GAB2: variants seen among roughly 807,000 people sequenced by gnomAD.
The protein encoded by GAB2 is GRB2-associated-binding protein 2.
Under a neutral mutation model 65.5 loss-of-function variants are expected in GAB2, and 26 were observed. The ratio of observed to expected loss-of-function variants is 0.40; its 90% CI spans 0.29 to 0.55. The LOEUF (loss-of-function observed/expected upper bound fraction) is 0.55. GAB2 is among the 20% of genes least tolerant of loss of function. The probability of loss-of-function intolerance (pLI) is 0.53; values close to 1 mark genes in which losing one functional copy is unlikely to be tolerated. For synonymous variants in GAB2, 321 were observed against 329.6 expected, an observed-to-expected ratio of 0.97 and a Z score of 0.28; for missense variants, 884 against 875.8, an observed-to-expected ratio of 1.01 and a Z score of -0.12.
intron 1 of GAB2, among the ~76,000 whole-genome samples, chr11:78,388,397 C>T (rs983263313): frequency 2.6e-5 from 4 of 151,192 alleles, no homozygotes; most frequent in South Asian, 4.2e-4. Flanking sequence ...CATGATCACA[C>T]GTCACTGCAG....
rs1248965268 is a variant in GAB2 at position 78,368,723 on chromosome 11, C to G, written c.75+48923G>C. Among the ~76,000 whole-genome samples, 11 of 151,194 alleles carry G rather than the reference C, an allele frequency of 7.3e-5. No individual in the cohort carries two copies. The East Asian group carries it at 2.1e-3, about 29-fold the overall frequency. On this transcript the variant is annotated intron_variant, in intron 1 of 9. Transcript: ENST00000361507. ...ACAAACTGAAAAAAAAAAGACAAGA[C>G]AGCAAAAATAAACTCTATAGGTTTA...
chr11:78,269,536 T>C (rs2511170), intron 2 of GAB2, among the ~76,000 whole-genome samples: 30,493 of 152,106 alleles, frequency 0.2, 3,313 homozygotes, highest in East Asian at 0.4. Flanking sequence ...TCCTGACTTT[T>C]AAGGCACCAG....
At chr11:78,309,464 CTTTTTTT>C (rs5792803) in intron 1 of GAB2, among the ~76,000 whole-genome samples, 3 of 137,442 alleles carry the variant, frequency 2.2e-5, no homozygotes, top group African/African-American at 8.1e-5. Context: ...TGCCCCCTGC[CTTTTTTT>C]TTTTTTTTTT....
intron 1 of GAB2, among the ~76,000 whole-genome samples, chr11:78,327,541 A>G (rs992017304): frequency 2.6e-5 from 4 of 152,196 alleles, no homozygotes; most frequent in African/African-American, 9.7e-5. Context: ...CAGAGGTAGC[A>G]ATATTCATGA....
chr11:78,393,947 G>A (rs2135068669), intron 1 of GAB2, among the ~76,000 whole-genome samples: 1 of 152,326 alleles, frequency 6.6e-6, no homozygotes, highest in East Asian at 1.9e-4. Context: ...ACAAGGTAAA[G>A]ACAGCAGTCA....
chr11:78,415,943 T>A (rs1171956606), intron 1 of GAB2, among the ~76,000 whole-genome samples: 2 of 150,386 alleles, frequency 1.3e-5, no homozygotes, highest in Non-Finnish European at 3.0e-5. Context: ...GGGTCACTTT[T>A]TTTTTTTTTT....
chr11:78,226,167 G>A (rs1373631743), intron 4 of GAB2, among the ~76,000 whole-genome samples: 1 of 152,074 alleles, frequency 6.6e-6, no homozygotes, highest in African/African-American at 2.4e-5. Flanking sequence ...ACAATGATTT[G>A]GGCTTCTAAA....
In GAB2 at chr11:78,361,210, A is replaced by C. The variant is rs111404490; in HGVS notation, c.75+56436T>G. Among the ~76,000 whole-genome samples, 204 of 152,320 alleles carry C rather than the reference A, an allele frequency of 1.3e-3. 1 individual carries two copies. The highest frequency in any genetic ancestry group is 4.8e-3 in the African/African-American group (199 of 41,570). On this transcript the variant is annotated intron_variant, in intron 1 of 9. Coordinates refer to ENST00000361507, the MANE Select transcript of GAB2 (RefSeq NM_080491.3). ...TGTACCTCTAAGCATAGATCAGGAA[A>C]AATTCCAACTGGATCAGATTTAAAT...
intron 3 of GAB2, among the ~76,000 whole-genome samples, chr11:78,227,581 G>A (rs1864711329): frequency 1.4e-5 from 2 of 145,162 alleles, no homozygotes; most frequent in South Asian, 2.2e-4. Context: ...GTTCACTTGA[G>A]GCCAGGAGTT....
chr11:78,298,983 A>C (rs1866915264), intron 1 of GAB2, among the ~76,000 whole-genome samples: 1 of 152,206 alleles, frequency 6.6e-6, no homozygotes, highest in South Asian at 2.1e-4. Flanking sequence ...CATCAGAATC[A>C]CTAAGACATC....
chr11:78,339,663 T>C (rs1284569693), intron 1 of GAB2, among the ~76,000 whole-genome samples: 1 of 152,210 alleles, frequency 6.6e-6, no homozygotes, highest in Admixed American at 6.5e-5. Flanking sequence ...GGGCTGCTTT[T>C]GACTGTCATG....
intron 1 of GAB2, among the ~76,000 whole-genome samples, chr11:78,336,349 A>C (rs1335038203): frequency 6.0e-4 from 89 of 149,100 alleles, no homozygotes; most frequent in Middle Eastern, 3.5e-3. Flanking sequence ...AAAAAAAAAA[A>C]AAAAAAAAAA....
In GAB2 at chr11:78,331,620, T is replaced by C. The variant is rs541918867; in HGVS notation, c.76-50719A>G. Among the ~76,000 whole-genome samples the C allele has an allele frequency of 1.5e-3, 228 of 152,302 alleles. 1 individual carries two copies. The highest frequency in any genetic ancestry group is 2.5e-3 in the Non-Finnish European group (171 of 68,018). ...AAAGATATAATGTGTTTAAACACAT[T>C]GTGCAAACATGAGGAGTTGCTATCC... On this transcript the variant is annotated intron_variant, in intron 1 of 9. Coordinates refer to ENST00000361507, the MANE Select transcript of GAB2 (RefSeq NM_080491.3).
intron 1 of GAB2, among the ~76,000 whole-genome samples, chr11:78,412,138 C>G (rs376877449): frequency 1.4e-5 from 2 of 139,998 alleles, no homozygotes; most frequent in Non-Finnish European, 3.1e-5. Context: ...AACTCCATCT[C>G]AAAAAAAAAA....
chr11:78,315,175 C>T (rs1386872361), intron 1 of GAB2, among the ~76,000 whole-genome samples: 6 of 152,186 alleles, frequency 3.9e-5, no homozygotes, highest in Non-Finnish European at 7.4e-5. Flanking sequence ...AAACACACTT[C>T]AAAGTTCTGC....
chr11:78,404,793 G>C (rs1857019652), intron 1 of GAB2, among the ~76,000 whole-genome samples: 1 of 152,256 alleles, frequency 6.6e-6, no homozygotes, highest in Non-Finnish European at 1.5e-5. Flanking sequence ...GGGATGGTTA[G>C]TGGGTATAAA....
chr11:78,216,740 G>C lies in GAB2; in HGVS notation c.*2532C>G, dbSNP rs1395925378. Reference sequence around the variant, plus strand: ...TCAGAACATGCTCACATGTTTATGGGAGGCTGCAATAGTCTGGGCCCACTT... The same window carrying C: ...TCAGAACATGCTCACATGTTTATGGCAGGCTGCAATAGTCTGGGCCCACTT... On this transcript the variant is annotated 3_prime_UTR_variant, in exon 10 of 10. Coordinates refer to ENST00000361507, the MANE Select transcript of GAB2 (RefSeq NM_080491.3). 1 of 152,252 alleles carries C rather than the reference G, an allele frequency of 6.6e-6. No individual in the cohort carries two copies. Among genetic ancestry groups the C allele is most frequent in the African/African-American group, 2.4e-5 (1 of 41,454 alleles). The allele number at this position is 152,252 out of a possible 1,614,324, so 9.4% of individuals were successfully genotyped here.
intron 1 of GAB2, chr11:78,363,893 A>G (rs1359161015): frequency 2.0e-5 from 3 of 152,010 alleles, no homozygotes; most frequent in Non-Finnish European, 4.4e-5. Context: ...TTAGAAATAC[A>G]TTTTCTTAAA....
In GAB2 at chr11:78,219,423, G is replaced by A. The variant is rs533871653; in HGVS notation, c.1888-8C>T. 9.3e-6 allele frequency: 15 copies of A among 1,613,480 alleles called. No homozygotes were observed. The highest frequency in any genetic ancestry group is 1.7e-4 in the Middle Eastern group (1 of 6,058). ...GACGGATGAAGTAGATGGCTGAGGG[G>A]ACAGAGTGGGAAAGAGGGAGTAGCT... On this transcript the variant is annotated splice_region_variant and splice_polypyrimidine_tract_variant and intron_variant, in intron 9 of 9. Coordinates refer to ENST00000361507, the MANE Select transcript of GAB2 (RefSeq NM_080491.3).
Sources: allele counts gnomAD v4.1 joint callset (sites outside exome capture counted in the v4.1 genomes callset), GRCh38; gene constraint gnomAD v4.1.1; transcripts MANE v1.5; gene names NCBI Gene and HGNC (gene_info 2026-07-23, HGNC 2026-07-21).